The following DIAPH2 variants were observed in gnomAD, a reference collection of about 807,000 sequenced individuals.
The protein encoded by DIAPH2 is diaphanous related formin 2.
DIAPH2 carries 35 observed loss-of-function variants against 92.7 expected under a neutral mutation model. That is an observed-to-expected ratio of 0.38 (90% CI 0.29 to 0.50). The LOEUF (loss-of-function observed/expected upper bound fraction) is 0.50, where lower values mean the gene tolerates loss of function less well. Among genes scored for constraint, DIAPH2 ranks in the 20% least tolerant of loss-of-function variants. The pLI is 0.94. For synonymous variants in DIAPH2, 301 were observed against 280.4 expected, an observed-to-expected ratio of 1.07 and a Z score of -0.73; for missense variants, 701 against 819.5, an observed-to-expected ratio of 0.86 and a Z score of 1.77.
At chrX:96,952,024 TATC>T (rs1272754068) in intron 15 of DIAPH2, among the ~76,000 whole-genome samples, 1 of 111,654 alleles carries the variant, frequency 9.0e-6, no homozygotes, top group Non-Finnish European at 1.9e-5. Context: ...GTATGAAAAA[TATC>T]ATGTCATACA....
At chrX:97,334,299 A>T (rs1234745299) in intron 23 of DIAPH2, among the ~76,000 whole-genome samples, 12 of 109,135 alleles carry the variant, frequency 1.1e-4, no homozygotes, top group African/African-American at 4.0e-4. Flanking sequence ...CGTCTCTACT[A>T]AAAATACAAA....
At chrX:97,075,146 T>C in intron 18 of DIAPH2, 21 bp from the exon 19 acceptor site, 1 of 1,083,948 alleles carries the variant, frequency 9.2e-7, no homozygotes, top group South Asian at 2.0e-5. Flanking sequence ...ATACTTTTAA[T>C]AAAATCAAAT....
chrX:97,245,087 CT>C (rs1208456398), intron 22 of DIAPH2, among the ~76,000 whole-genome samples: 1 of 98,154 alleles, frequency 1.0e-5, no homozygotes, highest in African/African-American at 3.8e-5. Flanking sequence ...GAGACTCCGT[CT>C]AAAAAAAAAA....
intron 3 of DIAPH2, among the ~76,000 whole-genome samples, chrX:96,757,139 G>C (rs1344823713): frequency 2.7e-5 from 3 of 109,686 alleles, no homozygotes; most frequent in Non-Finnish European, 5.7e-5. Context: ...GGATGGTCTC[G>C]ATCTCCTGAC....
Position 96,767,902 on chromosome X carries a change from C to T in DIAPH2, c.447+9644C>T, listed in dbSNP as rs144492318. 3.5e-3 allele frequency among the ~76,000 whole-genome samples: 395 copies of T among 112,021 alleles called. 3 individuals carry two copies. Among genetic ancestry groups the T allele is most frequent in the African/African-American group, 0.012 (383 of 30,894 alleles). ...AATAGTTGAGGATTTGGTATAGATA[C>T]TGTCTGTGATGGGAAATGATAAAAT... On this transcript the variant is annotated intron_variant, in intron 4 of 26. Coordinates refer to ENST00000324765, the MANE Select transcript of DIAPH2 (RefSeq NM_006729.5).
intron 4 of DIAPH2, among the ~76,000 whole-genome samples, chrX:96,787,199 G>T (rs764866820): frequency 9.0e-6 from 1 of 111,703 alleles, no homozygotes; most frequent in Admixed American, 9.6e-5. Context: ...TGGAATTCAC[G>T]TATATAAAAC....
At chrX:96,853,936 G>A (rs1040335517) in intron 4 of DIAPH2, among the ~76,000 whole-genome samples, 1 of 111,661 alleles carries the variant, frequency 9.0e-6, no homozygotes, top group African/African-American at 3.2e-5. Flanking sequence ...TGACAACTAC[G>A]TAAAGAAGAT....
intron 15 of DIAPH2, among the ~76,000 whole-genome samples, chrX:96,952,985 G>C (rs2065786364): frequency 9.2e-6 from 1 of 108,508 alleles, no homozygotes; most frequent in African/African-American, 3.4e-5. Flanking sequence ...CTGGGGTAGT[G>C]GTGCATGCCT....
intron 17 of DIAPH2, among the ~76,000 whole-genome samples, chrX:96,998,904 T>C (rs1029935863): frequency 8.9e-6 from 1 of 112,439 alleles, no homozygotes; most frequent in Non-Finnish European, 1.9e-5. Flanking sequence ...AGTTAATAAT[T>C]GTAAAATGTT....
intron 21 of DIAPH2, among the ~76,000 whole-genome samples, chrX:97,136,049 C>G (rs573701203): frequency 4.5e-5 from 5 of 111,715 alleles, no homozygotes; most frequent in African/African-American, 1.6e-4. Context: ...TGTATGCTAC[C>G]CACTTTTCTA....
intron 26 of DIAPH2, among the ~76,000 whole-genome samples, chrX:97,485,448 GCT>G (rs1442798417): frequency 8.9e-6 from 1 of 112,155 alleles, no homozygotes; most frequent in Non-Finnish European, 1.9e-5. Flanking sequence ...TAAACTAAAT[GCT>G]ATACAAACAA....
intron 17 of DIAPH2, among the ~76,000 whole-genome samples, chrX:97,061,753 G>T (rs1243759298): frequency 3.1e-5 from 3 of 96,895 alleles, no homozygotes; most frequent in African/African-American, 1.2e-4. Context: ...GGCAGAGGTT[G>T]CAGTAGGCCG....
At chrX:97,288,602 G>A (rs1371132168) in intron 23 of DIAPH2, among the ~76,000 whole-genome samples, 3 of 110,133 alleles carry the variant, frequency 2.7e-5, no homozygotes, top group East Asian at 2.9e-4. Flanking sequence ...TTAGCTGGGT[G>A]TGGTGGCACA....
chrX:96,915,641 G>A (rs2065498429), intron 7 of DIAPH2, among the ~76,000 whole-genome samples: 2 of 111,298 alleles, frequency 1.8e-5, no homozygotes. Context: ...GTAAAATGAA[G>A]CAAAAATATT....
At position 97,541,475 on chromosome X, in the gene DIAPH2, A is replaced by G. The variant is rs758616430; in HGVS notation, c.3242-57778A>G. Among the ~76,000 whole-genome samples the G allele has an allele frequency of 5.3e-5, 6 of 112,254 alleles. No individual in the cohort carries two copies. In the East Asian group the frequency reaches 1.7e-3, roughly 31 times the overall value. On this transcript the variant is annotated intron_variant, in intron 26 of 26. Transcript: ENST00000324765. ...TTCCATCCTCTCAAGTTATCTTTCCAGTCAACATTGCCGCATATCACATAT... is the reference window on the plus strand; with the variant it reads ...TTCCATCCTCTCAAGTTATCTTTCCGGTCAACATTGCCGCATATCACATAT...
At position 97,352,665 on chromosome X, in the gene DIAPH2, C is replaced by T. The variant is rs183195459; in HGVS notation, c.3009+4385C>T. Among the ~76,000 whole-genome samples the T allele has an allele frequency of 2.6e-3, 284 of 107,904 alleles. 3 individuals carry two copies. The highest frequency in any genetic ancestry group is 9.0e-3 in the African/African-American group (268 of 29,913). The allele number at this position is 107,904 out of a possible 115,157, so 93.7% of individuals were successfully genotyped here. A position where few individuals can be genotyped will look rare whatever the true frequency, so the allele number is the denominator to read the frequency against. ...TGGGCAGATCACGAGGTCAGGAGAT[C>T]GAGACCATCCTGGCTAACACGGTGA... On this transcript the variant is annotated intron_variant, in intron 24 of 26. Transcript: ENST00000324765.
chrX:97,261,331 T>C (rs770969570), intron 23 of DIAPH2, among the ~76,000 whole-genome samples: 7 of 111,918 alleles, frequency 6.3e-5, no homozygotes, highest in Non-Finnish European at 1.3e-4. Context: ...ATTTTGCCTA[T>C]TTGTTTTTCT....
chrX:97,338,164 A>T (rs959028143), intron 23 of DIAPH2, among the ~76,000 whole-genome samples: 2 of 111,079 alleles, frequency 1.8e-5, no homozygotes, highest in African/African-American at 6.5e-5. Flanking sequence ...GAGCCACCGT[A>T]CCTGGCCTAT....
At chrX:96,817,721 C>T (rs928096663) in intron 4 of DIAPH2, among the ~76,000 whole-genome samples, 3 of 109,525 alleles carry the variant, frequency 2.7e-5, no homozygotes, top group African/African-American at 3.3e-5. Context: ...AGAAGGAGGG[C>T]GAGAGAACTC....
Sources: gnomAD v4.1 joint callset for allele counts (sites outside exome capture counted in the v4.1 genomes callset) on GRCh38, gnomAD v4.1.1 for gene constraint, MANE v1.5 for transcripts, NCBI Gene and HGNC (gene_info 2026-07-23, HGNC 2026-07-21) for gene names.